EML6: variants seen among roughly 807,000 people sequenced by gnomAD.
EML6 encodes the protein EMAP like 6.
In EML6, 154 loss-of-function variants were observed where a neutral mutation model predicts 240.1. The observed-to-expected ratio is 0.64, with a 90% CI of 0.56 to 0.73. EML6 has a LOEUF of 0.73. Ranked by LOEUF, EML6 falls within the 30% of genes least tolerant of loss-of-function variation. The pLI is 0.00. For missense variants in EML6, 2,964 were observed against 2,474.6 expected (o/e 1.20, Z -4.20); for synonymous variants, 1,148 against 899.0 (o/e 1.28, Z -4.95).
intron 17 of EML6, among the ~76,000 whole-genome samples, chr2:54,883,050 G>GT (rs1444375910): frequency 3.6e-5 from 4 of 112,304 alleles, no homozygotes; most frequent in Admixed American, 1.1e-4. Context: ...TTTTCACTTT[G>GT]TTTTTTAAAA....
intron 11 of EML6, 88 bp downstream of exon 11, chr2:54,853,943 C>A (rs930256216): frequency 4.6e-5 from 32 of 698,302 alleles, no homozygotes; most frequent in Non-Finnish European, 6.3e-5. Flanking sequence ...GCTGTCTATT[C>A]CAATGCACTG....
chr2:54,827,522 C>A, intron 5 of EML6, 44 bp from the exon 6 acceptor site: 1 of 1,469,230 alleles, frequency 6.8e-7, no homozygotes, highest in Non-Finnish European at 9.3e-7. Context: ...GCAATACATC[C>A]GAATACTCTA....
intron 2 of EML6, among the ~76,000 whole-genome samples, chr2:54,740,937 G>T (rs1275896218): frequency 1.3e-5 from 2 of 152,120 alleles, no homozygotes; most frequent in Non-Finnish European, 2.9e-5. Context: ...TAATAGAAGA[G>T]ATATAAATTC....
At chr2:54,781,664 T>C (rs1263608854) in intron 2 of EML6, among the ~76,000 whole-genome samples, 3 of 152,108 alleles carry the variant, frequency 2.0e-5, no homozygotes, top group Non-Finnish European at 4.4e-5. Context: ...AATAAATATA[T>C]ATATGTATAT....
At chr2:54,949,371 C>T (rs983417168) in intron 29 of EML6, among the ~76,000 whole-genome samples, 2 of 152,180 alleles carry the variant, frequency 1.3e-5, no homozygotes, top group East Asian at 3.8e-4. Flanking sequence ...TGCTCCATAG[C>T]CACGAAGCGT....
At chr2:54,810,826 C>A (rs953516921) in intron 2 of EML6, among the ~76,000 whole-genome samples, 3 of 152,164 alleles carry the variant, frequency 2.0e-5, no homozygotes, top group African/African-American at 7.2e-5. Flanking sequence ...CAATCCTCTT[C>A]TTCCTAGCCT....
chr2:54,748,450 C>A (rs1460103233), intron 2 of EML6: 1 of 152,074 alleles, frequency 6.6e-6, no homozygotes, highest in Non-Finnish European at 1.5e-5. Context: ...ATCACTGGTC[C>A]AGCACAAGGC....
At chr2:54,865,586 G>GT (rs1470481197) in intron 13 of EML6, among the ~76,000 whole-genome samples, 1 of 152,198 alleles carries the variant, frequency 6.6e-6, no homozygotes, top group African/African-American at 2.4e-5. Flanking sequence ...GTAAGTACTG[G>GT]TTTGATGCTC....
At chr2:54,956,284 T>TCTCAG (rs1676230567) in intron 32 of EML6, among the ~76,000 whole-genome samples, 1 of 148,924 alleles carries the variant, frequency 6.7e-6, no homozygotes, top group Admixed American at 6.7e-5. Flanking sequence ...TCTCTTTCCT[T>TCTCAG]TGTTTGCACT....
At chr2:54,891,614 GTAAA>G (rs1307600551) in intron 18 of EML6, among the ~76,000 whole-genome samples, 1 of 152,148 alleles carries the variant, frequency 6.6e-6, no homozygotes, top group African/African-American at 2.4e-5. Flanking sequence ...ATAATGATGA[GTAAA>G]TAAGCATGAG....
intron 15 of EML6, among the ~76,000 whole-genome samples, chr2:54,869,862 T>C (rs1558633342): frequency 6.6e-6 from 1 of 152,152 alleles, no homozygotes; most frequent in Admixed American, 6.5e-5. Context: ...TAACCTTAGA[T>C]TGAGTCTGTA....
At chr2:54,876,930 T>TTAC (rs1320063761) in intron 16 of EML6, among the ~76,000 whole-genome samples, 1 of 152,094 alleles carries the variant, frequency 6.6e-6, no homozygotes, top group East Asian at 1.9e-4. Context: ...ACACCAGAAC[T>TTAC]TACTCTTCCT....
At chr2:54,779,139 C>G (rs1305541493) in intron 2 of EML6, among the ~76,000 whole-genome samples, 1 of 152,096 alleles carries the variant, frequency 6.6e-6, no homozygotes, top group African/African-American at 2.4e-5. Context: ...TGGTGACAGT[C>G]TCATGAACTT....
chr2:54,827,775 T>C (rs1433100024), intron 6 of EML6, 24 bp downstream of exon 6: 2 of 1,520,956 alleles, frequency 1.3e-6, no homozygotes, highest in East Asian at 2.5e-5. Flanking sequence ...TGTGGAAATC[T>C]GTGGGTGACC....
At position 54,948,922 on chromosome 2, in the gene EML6, CAGA is replaced by C. The variant is rs1675825969; in HGVS notation, c.4050_4052del (p.Lys1350del). On this transcript the variant is annotated inframe_deletion, in exon 29 of 42. Transcript: ENST00000356458. ...AGCAGCTCCCCAGCCTGAGAAACTG[CAGA>C]AGAACAATATCACCAAAAAAAAGAA... is the stretch of plus-strand genomic sequence containing the variant. The C allele has an allele frequency of 6.4e-7, 1 of 1,551,452 alleles. No homozygotes were observed. Among genetic ancestry groups the C allele is most frequent in the Non-Finnish European group, 8.7e-7 (1 of 1,146,938 alleles).
In EML6 at chr2:54,957,852, G is replaced by A. The variant is rs1388252823; in HGVS notation, c.4549G>A (p.Asp1517Asn). 8 of 1,550,842 alleles carry A rather than the reference G, an allele frequency of 5.2e-6. No individual in the cohort carries two copies. The highest frequency in any genetic ancestry group is 6.1e-6 in the Non-Finnish European group (7 of 1,147,018). ...ERIFVVEFRP[D>N]SDTQFVSVGV... is the part of the protein sequence containing the mutation. ...CATATTTGTGGTGGAATTTCGCCCC[G>A]ACTCAGACACGCAGTTTGTATCTGT... Residue 1517 changes from aspartate (D) to asparagine (N), a missense_variant, in exon 33 of 42, where the codon GAC becomes AAC. Asp to Asn is a conservative substitution (Grantham distance 23). Coordinates refer to ENST00000356458, the MANE Select transcript of EML6 (RefSeq NM_001039753.4).
rs116199476 is a variant in EML6 at position 54,733,098 on chromosome 2, C to T, written c.197+7840C>T. ...GAATTTGAAGGATTCTGGGATTGTC[C>T]ACTGGTTTGCTGCCTGCCACTCCCT... On this transcript the variant is annotated intron_variant, in intron 2 of 41. Transcript: ENST00000356458. 9.7e-3 allele frequency among the ~76,000 whole-genome samples: 1,470 copies of T among 152,258 alleles called. 19 individuals are homozygous for T. The highest frequency in any genetic ancestry group is 0.034 in the African/African-American group (1,394 of 41,538).
At chr2:54,938,968 C>T (rs1475744054) in intron 28 of EML6, among the ~76,000 whole-genome samples, 1 of 152,162 alleles carries the variant, frequency 6.6e-6, no homozygotes, top group African/African-American at 2.4e-5. Context: ...TAAAGCTCTC[C>T]TCTCCCAAGT....
chr2:54,727,216 T>C (rs1682951122), intron 2 of EML6, among the ~76,000 whole-genome samples: 2 of 137,392 alleles, frequency 1.5e-5, no homozygotes, highest in Non-Finnish European at 1.5e-5. Context: ...ATCTATTCAT[T>C]AAGCTACTTT....
Sources: allele counts gnomAD v4.1 joint callset (sites outside exome capture counted in the v4.1 genomes callset), GRCh38; gene constraint gnomAD v4.1.1; transcripts MANE v1.5; gene names NCBI Gene and HGNC (gene_info 2026-07-23, HGNC 2026-07-21).